The following ALKBH8 variants were observed in gnomAD, a reference collection of about 807,000 sequenced individuals.
The protein encoded by ALKBH8 is alkB homolog 8, tRNA methyltransferase.
In ALKBH8, 36 loss-of-function variants were observed where a neutral mutation model predicts 59.8. That is an observed-to-expected ratio of 0.60 (90% CI 0.46 to 0.79). ALKBH8 has a LOEUF of 0.79. ALKBH8 is among the 30% of genes least tolerant of loss of function. The probability of loss-of-function intolerance (pLI) is 0.00; values close to 1 mark genes in which losing one functional copy is unlikely to be tolerated. For synonymous variants in ALKBH8, 276 were observed against 273.6 expected (o/e 1.01, Z -0.09); for missense variants, 768 against 801.0 (o/e 0.96, Z 0.50).
intron 7 of ALKBH8, among the ~76,000 whole-genome samples, chr11:107,534,020 C>T (rs1863707199): frequency 6.6e-6 from 1 of 152,054 alleles, no homozygotes; most frequent in African/African-American, 2.4e-5. Context: ...ATCTCAGCTA[C>T]TCAGGAGGCT....
chr11:107,507,583 A>G (rs1410058415), intron 11 of ALKBH8, among the ~76,000 whole-genome samples: 1 of 152,176 alleles, frequency 6.6e-6, no homozygotes, highest in African/African-American at 2.4e-5. Flanking sequence ...TACTTTATGT[A>G]TTGTCTCATT....
chr11:107,565,086 G>A (rs1307016367), intron 1 of ALKBH8: 1 of 159,052 alleles, frequency 6.3e-6, no homozygotes, highest in East Asian at 1.9e-4. Context: ...CTATTTAAGG[G>A]CACAGACTTG....
chr11:107,524,589 A>G (rs1275355143), intron 9 of ALKBH8, among the ~76,000 whole-genome samples: 2 of 152,220 alleles, frequency 1.3e-5, no homozygotes, highest in Non-Finnish European at 2.9e-5. Context: ...TTTAAATTTA[A>G]CTTTTAAAAT....
At chr11:107,532,817 C>T (rs1388405126) in intron 7 of ALKBH8, among the ~76,000 whole-genome samples, 2 of 152,098 alleles carry the variant, frequency 1.3e-5, no homozygotes, top group East Asian at 3.8e-4. Context: ...GCCATTTAAC[C>T]CCACTCTGCT....
chr11:107,547,389 G>A (rs1864306298), intron 7 of ALKBH8, among the ~76,000 whole-genome samples: 1 of 152,142 alleles, frequency 6.6e-6, no homozygotes, highest in Admixed American at 6.5e-5. Context: ...TCTAGGCTGT[G>A]GGAACATGAG....
At chr11:107,525,844 C>T (rs1389384004) in intron 8 of ALKBH8, among the ~76,000 whole-genome samples, 1 of 151,190 alleles carries the variant, frequency 6.6e-6, no homozygotes, top group Non-Finnish European at 1.5e-5. Context: ...ATTTAATTAA[C>T]ACCAATTCTA....
At chr11:107,512,420 C>A (rs906357650) in intron 10 of ALKBH8, among the ~76,000 whole-genome samples, 4 of 152,026 alleles carry the variant, frequency 2.6e-5, no homozygotes, top group African/African-American at 9.7e-5. Flanking sequence ...CCCAGGTGAT[C>A]CTCTTGCCTC....
chr11:107,555,803 CA>C, intron 3 of ALKBH8, among the ~76,000 whole-genome samples: 1 of 152,162 alleles, frequency 6.6e-6, no homozygotes, highest in Non-Finnish European at 1.5e-5. Flanking sequence ...CAATACATCT[CA>C]TTTTCATGGG....
chr11:107,520,358 C>T (rs1237274280), intron 10 of ALKBH8, among the ~76,000 whole-genome samples: 1 of 152,160 alleles, frequency 6.6e-6, no homozygotes, highest in Non-Finnish European at 1.5e-5. Context: ...CAAATATATT[C>T]CCTCTGGAAT....
chr11:107,536,949 T>C (rs1863841727), intron 7 of ALKBH8, among the ~76,000 whole-genome samples: 1 of 152,192 alleles, frequency 6.6e-6, no homozygotes, highest in Non-Finnish European at 1.5e-5. Flanking sequence ...TAGACTGTAA[T>C]GCACTGGCTG....
At chr11:107,507,623 C>A (rs145545563) in intron 11 of ALKBH8, among the ~76,000 whole-genome samples, 1 of 152,122 alleles carries the variant, frequency 6.6e-6, no homozygotes, top group East Asian at 1.9e-4. Context: ...GATTGTTTTA[C>A]AGTTGAGCAA....
At chr11:107,521,406 G>T (rs991329934) in intron 10 of ALKBH8, among the ~76,000 whole-genome samples, 1 of 151,790 alleles carries the variant, frequency 6.6e-6, no homozygotes, top group Admixed American at 6.6e-5. Flanking sequence ...AGGGACAATT[G>T]TAGTAACTTT....
intron 2 of ALKBH8, 74 bp from the exon 3 acceptor site, chr11:107,557,077 G>T: frequency 1.8e-6 from 2 of 1,091,580 alleles, no homozygotes; most frequent in Non-Finnish European, 2.5e-6. Flanking sequence ...TTTAAAATAA[G>T]ATTTTTTTTA....
intron 7 of ALKBH8, among the ~76,000 whole-genome samples, chr11:107,539,126 CAGA>C (rs1417075387): frequency 2.0e-5 from 3 of 152,180 alleles, no homozygotes. Context: ...GTGATACCCG[CAGA>C]AGTACACTTT....
intron 7 of ALKBH8, among the ~76,000 whole-genome samples, chr11:107,537,826 T>A (rs190428674): frequency 1.3e-5 from 2 of 152,142 alleles, no homozygotes; most frequent in East Asian, 3.9e-4. Context: ...TTCATGCCAA[T>A]AAATCAAAAT....
At chr11:107,551,947 ATATTTACTTTGCTTGTTTTACTC>A in intron 5 of ALKBH8, 35 bp from the exon 6 acceptor site, 1 of 1,243,842 alleles carries the variant, frequency 8.0e-7, no homozygotes. Flanking sequence ...AAACATTAAA[ATATTTACTTTGCTTGTTTTACTC>A]AACAATTTTA....
rs956000961 is a variant in ALKBH8 at position 107,522,345 on chromosome 11, C to A, written c.1241G>T (p.Gly414Val). ...LPSGSIVADI[G>V]CGNGKYLGIN... is the part of the protein sequence containing the mutation. Reference sequence around the variant, plus strand: ...GCCAAGATACTTTCCATTACCACATCCAATATCAGCCACTATTGAACCACT... The same window carrying A: ...GCCAAGATACTTTCCATTACCACATACAATATCAGCCACTATTGAACCACT... Residue 414 changes from glycine (G) to valine (V), a missense_variant, in exon 10 of 12, where the codon GGA becomes GTA. Gly to Val is a moderately radical substitution (Grantham distance 109). Transcript: ENST00000428149. 1.5e-5 allele frequency: 23 copies of A among 1,551,628 alleles called. No individual in the cohort carries two copies. The highest frequency in any genetic ancestry group is 2.0e-5 in the Non-Finnish European group (23 of 1,146,958).
At chr11:107,537,511 A>G (rs980889091) in intron 7 of ALKBH8, among the ~76,000 whole-genome samples, 12 of 152,186 alleles carry the variant, frequency 7.9e-5, no homozygotes, top group African/African-American at 2.9e-4. Flanking sequence ...TGATGAGAAC[A>G]CATGGACACA....
intron 6 of ALKBH8, among the ~76,000 whole-genome samples, chr11:107,551,479 A>G (rs1426660994): frequency 6.6e-6 from 1 of 152,124 alleles, no homozygotes; most frequent in Non-Finnish European, 1.5e-5. Context: ...AGATCACCTG[A>G]GGTCAGGAGT....
Sources: gnomAD v4.1 joint callset for allele counts (sites outside exome capture counted in the v4.1 genomes callset) on GRCh38, gnomAD v4.1.1 for gene constraint, MANE v1.5 for transcripts, NCBI Gene and HGNC (gene_info 2026-07-23, HGNC 2026-07-21) for gene names.